PATJ: variants seen among roughly 807,000 people sequenced by gnomAD.
The protein encoded by PATJ is PATJ crumbs cell polarity complex component, also known as inaD-like protein.
A neutral mutation model predicts 224.9 loss-of-function variants in PATJ; 190 were observed. That is an observed-to-expected ratio of 0.84 (90% CI 0.75 to 0.95). The LOEUF is 0.95. Among genes scored for constraint, PATJ ranks in the 40% least tolerant of loss-of-function variants. The probability of loss-of-function intolerance (pLI) is 0.00; values close to 1 mark genes in which losing one functional copy is unlikely to be tolerated. For synonymous variants in PATJ, 769 were observed against 820.3 expected (o/e 0.94, Z 1.07); for missense variants, 2,121 against 2,270.3 (o/e 0.93, Z 1.34).
chr1:61,930,536 C>T lies in PATJ; in HGVS notation c.3670+2707C>T, dbSNP rs75948430. 2.6e-5 allele frequency among the ~76,000 whole-genome samples: 4 copies of T among 152,196 alleles called. No individual in the cohort carries two copies. In the East Asian group the frequency reaches 5.8e-4, roughly 22 times the overall value. On this transcript the variant is annotated intron_variant, in intron 27 of 43. Transcript: ENST00000642238. ...TAAGCCCTAGGCCTACAGGGAAGTG[C>T]TGATTTTATTAGAGAGATCCAGGGA...
chr1:62,074,085 T>G (rs1398777403), intron 31 of PATJ, among the ~76,000 whole-genome samples: 1 of 151,958 alleles, frequency 6.6e-6, no homozygotes, highest in Non-Finnish European at 1.5e-5. Context: ...GTGTTAGCTA[T>G]TTTTATATTT....
intron 41 of PATJ, among the ~76,000 whole-genome samples, chr1:62,138,901 C>G (rs1193050158): frequency 6.6e-6 from 1 of 152,100 alleles, no homozygotes; most frequent in Non-Finnish European, 1.5e-5. Context: ...TGTGCCTTCC[C>G]CAGAAGGAAT....
intron 43 of PATJ, among the ~76,000 whole-genome samples, chr1:62,154,073 T>G (rs536802139): frequency 6.8e-4 from 104 of 152,076 alleles, no homozygotes; most frequent in Non-Finnish European, 1.2e-3. Flanking sequence ...TTTTTGTATT[T>G]TTGGTAGAGA....
chr1:61,754,521 T>TTTTTTTTTTTG (rs1645517154), intron 1 of PATJ, among the ~76,000 whole-genome samples: 1 of 3,240 alleles, frequency 3.1e-4, no homozygotes. Flanking sequence ...TTTTTGCATG[T>TTTTTTTTTTTG]TTTTTTTTTT....
At chr1:61,999,810 C>T (rs990530583) in intron 28 of PATJ, among the ~76,000 whole-genome samples, 1 of 152,142 alleles carries the variant, frequency 6.6e-6, no homozygotes, top group African/African-American at 2.4e-5. Flanking sequence ...GTTTTTCACA[C>T]ATATACATAT....
chr1:62,144,718 T>C (rs1298301819), intron 41 of PATJ, among the ~76,000 whole-genome samples: 1 of 147,966 alleles, frequency 6.8e-6, no homozygotes, highest in African/African-American at 2.5e-5. Flanking sequence ...TGTTGTGGAC[T>C]CCCAGAGCTA....
intron 20 of PATJ, among the ~76,000 whole-genome samples, chr1:61,866,138 T>C (rs978155021): frequency 3.3e-5 from 5 of 152,240 alleles, no homozygotes; most frequent in Non-Finnish European, 7.3e-5. Context: ...CTCATATCTG[T>C]CAGTGCTTAA....
At position 61,795,509 on chromosome 1, in the gene PATJ, G is replaced by A; in HGVS notation, c.1211G>A (p.Ser404Asn). Residue 404 changes from serine to asparagine, a missense_variant, in exon 10 of 44, where the codon AGT becomes AAT. By Grantham distance (46) the Ser-to-Asn change is conservative. Transcript: ENST00000642238. The stretch of plus-strand genomic sequence containing the variant: ...TATGTGAAAAGTATAATACCTGGCA[G>A]TGCTGCGTACCACAATGGCCACATT... ...GIYVKSIIPGSAAYHNGHIQV... is the reference protein window; with the variant it reads ...GIYVKSIIPGNAAYHNGHIQV... 1 of 1,610,744 alleles carries A rather than the reference G, an allele frequency of 6.2e-7. No homozygotes were observed. Among genetic ancestry groups the A allele is most frequent in the Non-Finnish European group, 8.5e-7 (1 of 1,177,622 alleles).
At chr1:61,808,701 C>A (rs537906436) in intron 14 of PATJ, among the ~76,000 whole-genome samples, 171 bp downstream of exon 14, 1 of 152,010 alleles carries the variant, frequency 6.6e-6, no homozygotes, top group Non-Finnish European at 1.5e-5. Flanking sequence ...ATTTTTTTAT[C>A]GTTTGAAGAA....
In PATJ at chr1:61,856,087, G is replaced by A. The variant is rs138909420; in HGVS notation, c.2170G>A (p.Val724Ile). ...IVIRSLVADG[V>I]AERSGGLLPG... The stretch of plus-strand genomic sequence containing the variant: ...GATCCGCTCCCTGGTAGCAGATGGT[G>A]TAGCAGAAAGAAGTGGGGGACTATT... Residue 724 changes from valine to isoleucine, a missense_variant, in exon 18 of 44, where the codon GTA becomes ATA. Physicochemically the swap from Val to Ile is conservative, Grantham distance 29. Transcript: ENST00000642238. 9.9e-6 allele frequency: 16 copies of A among 1,614,024 alleles called. No homozygotes were observed. The highest frequency in any genetic ancestry group is 3.3e-4 in the Middle Eastern group (2 of 6,084).
At chr1:61,783,562 T>C (rs2148458822) in intron 7 of PATJ, among the ~76,000 whole-genome samples, 1 of 151,830 alleles carries the variant, frequency 6.6e-6, no homozygotes, top group African/African-American at 2.4e-5. Context: ...ATTACAGGCA[T>C]GAGCCATGGT....
chr1:62,119,505 C>G (rs2148909369), intron 37 of PATJ, among the ~76,000 whole-genome samples: 1 of 152,294 alleles, frequency 6.6e-6, no homozygotes, highest in Admixed American at 6.5e-5. Context: ...TAACTTCTAG[C>G]TTTGGGGCCA....
intron 27 of PATJ, among the ~76,000 whole-genome samples, chr1:61,972,180 C>T (rs747766893): frequency 1.4e-4 from 22 of 151,904 alleles, no homozygotes; most frequent in Non-Finnish European, 2.9e-4. Flanking sequence ...TTATATATGC[C>T]TTATACCCAG....
In PATJ at chr1:61,991,674, C is replaced by A. The variant is rs1003903169; in HGVS notation, c.3867+1310C>A. ...CCAGGATTACTTTTCTTTTCTTGTT[C>A]TTTTATAATATAGCACCACGAATGG... On this transcript the variant is annotated intron_variant, in intron 28 of 43. Coordinates refer to ENST00000642238, the MANE Select transcript of PATJ (RefSeq NM_001350145.3). 5.1e-6 allele frequency: 5 copies of A among 984,814 alleles called. No individual in the cohort carries two copies. The African/African-American group carries it at 8.7e-5, about 17-fold the overall frequency. 61.0% of individuals were successfully genotyped at this position (984,814 alleles called of 1,614,324 possible).
intron 35 of PATJ, 103 bp from the exon 36 acceptor site, chr1:62,116,429 G>C: frequency 7.5e-7 from 1 of 1,330,262 alleles, no homozygotes; most frequent in Non-Finnish European, 1.0e-6. Flanking sequence ...AAAACTGGAA[G>C]AAGAAAGGAG....
intron 21 of PATJ, among the ~76,000 whole-genome samples, chr1:61,877,011 G>A (rs1667421898): frequency 6.6e-6 from 1 of 152,176 alleles, no homozygotes; most frequent in African/African-American, 2.4e-5. Context: ...ACAGAAGGCA[G>A]TTCTGTTTCC....
intron 31 of PATJ, among the ~76,000 whole-genome samples, chr1:62,052,778 A>T (rs966315760): frequency 6.6e-6 from 1 of 152,160 alleles, no homozygotes; most frequent in African/African-American, 2.4e-5. Context: ...TAATGGCAGT[A>T]AAAAATTATG....
In PATJ at chr1:62,124,861, C is replaced by A. The variant is rs75111635; in HGVS notation, c.5043+1803C>A. On this transcript the variant is annotated intron_variant, in intron 39 of 43. Transcript: ENST00000642238. ...ATTTTAAAGGCCCTATCTCCAAATA[C>A]AGTCACATTCTGAGGCCCTGGTACT... Among the ~76,000 whole-genome samples, 466 of 152,268 alleles carry A rather than the reference C, an allele frequency of 3.1e-3. 17 individuals are homozygous for A. In the East Asian group the frequency reaches 0.079, roughly 26 times the overall value.
intron 39 of PATJ, among the ~76,000 whole-genome samples, chr1:62,124,949 G>A (rs879740350): frequency 6.6e-6 from 1 of 152,116 alleles, no homozygotes; most frequent in Admixed American, 6.6e-5. Context: ...CTGTACAGCT[G>A]GGTGCGGTGG....
Sources: gnomAD v4.1 joint callset for allele counts (sites outside exome capture counted in the v4.1 genomes callset) on GRCh38, gnomAD v4.1.1 for gene constraint, MANE v1.5 for transcripts, NCBI Gene and HGNC (gene_info 2026-07-23, HGNC 2026-07-21) for gene names.